TCERG1L: variants seen among roughly 807,000 people sequenced by gnomAD.
TCERG1L encodes the protein transcription elongation regulator 1 like, also known as transcription elongation regulator 1-like protein.
In TCERG1L, 37 loss-of-function variants were observed where a neutral mutation model predicts 56.3. The ratio of observed to expected loss-of-function variants is 0.66; its 90% CI spans 0.51 to 0.87. The LOEUF is 0.87. TCERG1L is among the 40% of genes least tolerant of loss of function. The pLI, the probability that TCERG1L is intolerant of heterozygous loss-of-function variation, is 0.00. For missense variants in TCERG1L, 799 were observed against 774.2 expected, an observed-to-expected ratio of 1.03 and a Z score of -0.38; for synonymous variants, 324 against 326.3, an observed-to-expected ratio of 0.99 and a Z score of 0.08.
At chr10:131,280,707 A>G (rs1846442000) in intron 3 of TCERG1L, among the ~76,000 whole-genome samples, 1 of 150,702 alleles carries the variant, frequency 6.6e-6, no homozygotes, top group Non-Finnish European at 1.5e-5. Context: ...TAAGATGTGC[A>G]CACACACACA....
chr10:131,127,769 C>T (rs925776413), intron 8 of TCERG1L, among the ~76,000 whole-genome samples: 1 of 152,134 alleles, frequency 6.6e-6, no homozygotes, highest in Non-Finnish European at 1.5e-5. Context: ...CAACAGCAGA[C>T]TCTAGGATGG....
chr10:131,253,634 G>A (rs1405120717), intron 4 of TCERG1L, among the ~76,000 whole-genome samples: 1 of 152,108 alleles, frequency 6.6e-6, no homozygotes, highest in Admixed American at 6.6e-5. Flanking sequence ...TTAGGATTGG[G>A]CTGGGTGGGT....
intron 3 of TCERG1L, among the ~76,000 whole-genome samples, chr10:131,272,544 A>G (rs1001467689): frequency 5.3e-5 from 8 of 152,102 alleles, no homozygotes; most frequent in African/African-American, 1.9e-4. Context: ...GGAGTCCCCA[A>G]GGGCCCCCAC....
intron 9 of TCERG1L, among the ~76,000 whole-genome samples, chr10:131,111,774 G>A (rs1842926753): frequency 7.0e-6 from 1 of 143,144 alleles, no homozygotes; most frequent in Admixed American, 6.8e-5. Context: ...AAGCTCCTAG[G>A]TAACACTATA....
rs1845201573 is a variant in TCERG1L, at chr10:131,093,313, G to A, written c.1610C>T (p.Thr537Met). 7 of 1,612,260 alleles carry A rather than the reference G, an allele frequency of 4.3e-6. No homozygotes were observed. The highest frequency in any genetic ancestry group is 5.9e-6 in the Non-Finnish European group (7 of 1,179,442). The change falls in exon 12 of 12, where the codon ACG becomes ATG. Residue 537 changes from threonine (T) to methionine (M), a missense_variant. Thr to Met is a moderately conservative substitution (Grantham distance 81). Transcript: ENST00000368642. ...GTATTTCTCTGCAAACTCCTTAAAC[G>A]TGGTCCTGAAAAAGAAAGAGTTTCC... ...LEESKVSPRT[T>M]FKEFAEKYGR...
intron 5 of TCERG1L, among the ~76,000 whole-genome samples, chr10:131,166,239 C>T (rs550006430): frequency 3.3e-5 from 5 of 152,308 alleles, no homozygotes; most frequent in African/African-American, 9.6e-5. Flanking sequence ...ATAACTGAGT[C>T]CCACCAGCGT....
intron 4 of TCERG1L, among the ~76,000 whole-genome samples, chr10:131,192,502 G>C (rs1845315800): frequency 6.9e-6 from 1 of 144,196 alleles, no homozygotes; most frequent in South Asian, 2.1e-4. Flanking sequence ...ATTTGATCCA[G>C]CAATCCCACT....
At chr10:131,096,872 C>A (rs572844135) in intron 11 of TCERG1L, among the ~76,000 whole-genome samples, 1 of 138,650 alleles carries the variant, frequency 7.2e-6, no homozygotes, top group Non-Finnish European at 1.5e-5. Context: ...GGCAACAGAG[C>A]GACTCCATCT....
chr10:131,145,858 G>C lies in TCERG1L; in HGVS notation c.1189+648C>G, dbSNP rs1347175599. On this transcript the variant is annotated intron_variant, in intron 7 of 11. Coordinates refer to ENST00000368642, the MANE Select transcript of TCERG1L (RefSeq NM_174937.4). ...TTTGAATCCACATGCTCTGGGAGGA[G>C]GGCTTTCCCCACGCAGCAGCTAATA... 2.0e-5 allele frequency among the ~76,000 whole-genome samples: 3 copies of C among 152,224 alleles called. No individual in the cohort carries two copies. In the East Asian group the frequency reaches 5.8e-4, roughly 29 times the overall value.
chr10:131,175,887 G>A (rs779258179), intron 4 of TCERG1L, among the ~76,000 whole-genome samples: 28 of 152,158 alleles, frequency 1.8e-4, no homozygotes, highest in Non-Finnish European at 3.8e-4. Context: ...AGGAAGCGGG[G>A]AGGAAGGCAG....
intron 4 of TCERG1L, among the ~76,000 whole-genome samples, chr10:131,251,745 C>A (rs905233975): frequency 6.6e-6 from 1 of 152,168 alleles, no homozygotes. Context: ...GAGAACACGC[C>A]TCCTTTTCTT....
intron 4 of TCERG1L, among the ~76,000 whole-genome samples, chr10:131,178,573 C>A (rs1845136840): frequency 6.6e-6 from 1 of 152,180 alleles, no homozygotes; most frequent in Non-Finnish European, 1.5e-5. Context: ...TGGGAAGAGG[C>A]ACAGGCCCTA....
Position 131,250,724 on chromosome 10 carries a change from C to A in TCERG1L, c.856+9535G>T, listed in dbSNP as rs377561663. Among the ~76,000 whole-genome samples, 45 of 152,292 alleles carry A rather than the reference C, an allele frequency of 3.0e-4. No homozygotes were observed. In the East Asian group the frequency reaches 6.2e-3, roughly 21 times the overall value. The stretch of plus-strand genomic sequence containing the variant: ...TCTTCCTCCTAGCCCGGGAGCCCAG[C>A]GCCCTGTTAGTTGACTTCTTAGGGA... On this transcript the variant is annotated intron_variant, in intron 4 of 11. Transcript: ENST00000368642.
At position 131,207,887 on chromosome 10, in the gene TCERG1L, G is replaced by A. The variant is rs1589748960; in HGVS notation, c.857-41002C>T. ...AAGAAAGAAGGTACCAGGCTCAGCT[G>A]GAAATAGGCTGTGTCAAGAGTGAGA... is the stretch of plus-strand genomic sequence containing the variant. On this transcript the variant is annotated intron_variant, in intron 4 of 11. Transcript: ENST00000368642. Among the ~76,000 whole-genome samples, 4 of 152,268 alleles carry A rather than the reference G, an allele frequency of 2.6e-5. No individual in the cohort carries two copies. The South Asian group carries it at 8.3e-4, about 32-fold the overall frequency.
intron 4 of TCERG1L, among the ~76,000 whole-genome samples, chr10:131,202,076 T>C (rs927437991): frequency 5.9e-5 from 9 of 151,974 alleles, no homozygotes; most frequent in African/African-American, 2.2e-4. Flanking sequence ...TAATTAAGAG[T>C]CTCGATTTAT....
At chr10:131,201,855 C>T (rs546187316) in intron 4 of TCERG1L, among the ~76,000 whole-genome samples, 37 of 152,160 alleles carry the variant, frequency 2.4e-4, no homozygotes, top group Non-Finnish European at 7.3e-5. Context: ...TTTTACCCCA[C>T]GTCCACCACC....
intron 4 of TCERG1L, among the ~76,000 whole-genome samples, chr10:131,251,452 G>A (rs552268670): frequency 3.7e-4 from 57 of 152,164 alleles, no homozygotes; most frequent in Non-Finnish European, 7.6e-4. Flanking sequence ...CAGTCTGCCA[G>A]CCACCTCCAG....
At chr10:131,198,411 CAG>C (rs1313785361) in intron 4 of TCERG1L, among the ~76,000 whole-genome samples, 5 of 152,272 alleles carry the variant, frequency 3.3e-5, no homozygotes, top group African/African-American at 4.8e-5. Context: ...TCCCTCAAGA[CAG>C]AGCGTCTGGC....
At chr10:131,157,247 C>T (rs1422890644) in intron 6 of TCERG1L, among the ~76,000 whole-genome samples, 5 of 152,182 alleles carry the variant, frequency 3.3e-5, no homozygotes, top group Non-Finnish European at 7.3e-5. Context: ...GAACTTTGAT[C>T]TGTGCTATTA....
Sources: allele counts gnomAD v4.1 joint callset (sites outside exome capture counted in the v4.1 genomes callset), GRCh38; gene constraint gnomAD v4.1.1; transcripts MANE v1.5; gene names NCBI Gene and HGNC (gene_info 2026-07-23, HGNC 2026-07-21).